Variants in EPHA5 observed in about 807,000 individuals in gnomAD.
EPHA5 encodes the protein EPH receptor A5.
Under a neutral mutation model 105.0 loss-of-function variants are expected in EPHA5, and 60 were observed. The ratio of observed to expected loss-of-function variants is 0.57; its 90% CI spans 0.46 to 0.71. EPHA5 has a LOEUF of 0.71. EPHA5 is among the 30% of genes least tolerant of loss of function. The probability of loss-of-function intolerance (pLI) is 0.00; values close to 1 mark genes in which losing one functional copy is unlikely to be tolerated. For missense variants in EPHA5, 1,218 were observed against 1,274.7 expected (o/e 0.96, Z 0.68); for synonymous variants, 513 against 449.1 (o/e 1.14, Z -1.80).
intron 5 of EPHA5, among the ~76,000 whole-genome samples, chr4:65,478,819 T>A (rs1277080289): frequency 3.9e-5 from 6 of 152,094 alleles, no homozygotes; most frequent in Non-Finnish European, 8.8e-5. Context: ...TTCTGGATAT[T>A]TTATCAAAAT....
At chr4:65,553,598 T>G (rs1245609470) in intron 3 of EPHA5, among the ~76,000 whole-genome samples, 1 of 151,990 alleles carries the variant, frequency 6.6e-6, no homozygotes, top group Non-Finnish European at 1.5e-5. Context: ...AAATATCTGG[T>G]AAAAGAATAA....
At chr4:65,357,492 G>T (rs1293363819) in intron 11 of EPHA5, among the ~76,000 whole-genome samples, 2 of 151,404 alleles carry the variant, frequency 1.3e-5, no homozygotes, top group Non-Finnish European at 3.0e-5. Flanking sequence ...ATTGATGGCA[G>T]ATCTAGTTCA....
intron 8 of EPHA5, among the ~76,000 whole-genome samples, chr4:65,369,253 T>A (rs1044093256): frequency 2.0e-5 from 3 of 152,192 alleles, no homozygotes; most frequent in Admixed American, 6.5e-5. Flanking sequence ...ATGTGCTGAA[T>A]GAACACTGAA....
chr4:65,419,018 G>C (rs1723680687), intron 6 of EPHA5, among the ~76,000 whole-genome samples: 1 of 150,894 alleles, frequency 6.6e-6, no homozygotes, highest in Non-Finnish European at 1.5e-5. Flanking sequence ...TGAGCAGCTG[G>C]GATTACAGGT....
At chr4:65,396,516 C>T (rs181116303) in intron 8 of EPHA5, among the ~76,000 whole-genome samples, 44 of 152,238 alleles carry the variant, frequency 2.9e-4, no homozygotes, top group African/African-American at 1.0e-3. Context: ...GGGGATGAGC[C>T]TTATCCCGTT....
At chr4:65,602,413 A>C (rs1007859073) in intron 2 of EPHA5, 109 bp from the exon 3 acceptor site, 45 of 801,994 alleles carry the variant, frequency 5.6e-5, no homozygotes, top group Non-Finnish European at 8.2e-5. Flanking sequence ...AAATATTCGT[A>C]TCCTCAATAT....
intron 1 of EPHA5, among the ~76,000 whole-genome samples, chr4:65,646,421 T>C (rs1748118580): frequency 2.6e-5 from 4 of 152,202 alleles, no homozygotes; most frequent in Admixed American, 2.6e-4. Flanking sequence ...AACATGGAGA[T>C]ATAATAATGT....
intron 7 of EPHA5, among the ~76,000 whole-genome samples, chr4:65,412,369 G>A (rs12509018): frequency 0.54 from 82,391 of 151,950 alleles, 24,733 homozygotes; most frequent in South Asian, 0.69. Context: ...TTTCTTCAGG[G>A]CCTAGCAAAG....
intron 1 of EPHA5, among the ~76,000 whole-genome samples, chr4:65,650,389 T>G (rs1467080513): frequency 4.0e-5 from 1 of 25,160 alleles, no homozygotes; most frequent in African/African-American, 1.7e-4. Flanking sequence ...GTACTAAACA[T>G]ACAAAAAAAA....
At chr4:65,539,567 C>T (rs1560668547) in intron 3 of EPHA5, among the ~76,000 whole-genome samples, 1 of 151,572 alleles carries the variant, frequency 6.6e-6, no homozygotes, top group Admixed American at 6.6e-5. Context: ...AGGGTATGTT[C>T]CACCAGCTGC....
intron 8 of EPHA5, among the ~76,000 whole-genome samples, chr4:65,387,224 T>C (rs28458299): frequency 0.057 from 8,732 of 151,932 alleles, 821 homozygotes; most frequent in African/African-American, 0.2. Flanking sequence ...GATCCCCTAA[T>C]AGACTTCCAA....
intron 8 of EPHA5, among the ~76,000 whole-genome samples, chr4:65,390,899 G>A (rs1720651438): frequency 6.6e-6 from 1 of 151,930 alleles, no homozygotes; most frequent in Non-Finnish European, 1.5e-5. Flanking sequence ...CAAAATAATT[G>A]GTGTATTAGT....
intron 16 of EPHA5, among the ~76,000 whole-genome samples, chr4:65,327,857 T>C (rs1250480216): frequency 6.6e-6 from 1 of 151,198 alleles, no homozygotes; most frequent in East Asian, 1.9e-4. Flanking sequence ...AGTCTCACAT[T>C]TCTTATTTCC....
At chr4:65,455,571 T>C (rs892427448) in intron 5 of EPHA5, among the ~76,000 whole-genome samples, 7 of 152,220 alleles carry the variant, frequency 4.6e-5, no homozygotes, top group African/African-American at 1.7e-4. Context: ...TATCAATGCA[T>C]TCATAAAATC....
intron 3 of EPHA5, among the ~76,000 whole-genome samples, chr4:65,517,768 T>G (rs929182331): frequency 1.3e-5 from 2 of 151,952 alleles, no homozygotes; most frequent in Admixed American, 6.6e-5. Flanking sequence ...TTTATTCAAG[T>G]TGAATCTATA....
At position 65,654,255 on chromosome 4, in the gene EPHA5, C is replaced by A. The variant is rs1046643127; in HGVS notation, c.182-10828G>T. On this transcript the variant is annotated intron_variant, in intron 1 of 16. Transcript: ENST00000613740. ...ACTTCTTTCTTGAAAAAAAAAAAAA[C>A]AAAACTATTTTTAAGCCGCTGTTGG... 1.4e-3 allele frequency among the ~76,000 whole-genome samples: 190 copies of A among 140,714 alleles called. 1 individual carries two copies. Among genetic ancestry groups the A allele is most frequent in the East Asian group, 5.0e-3 (24 of 4,798 alleles). The allele number at this position is 140,714 out of a possible 152,430, so 92.3% of individuals were successfully genotyped here.
At chr4:65,456,907 GA>G (rs1727654076) in intron 5 of EPHA5, among the ~76,000 whole-genome samples, 1 of 152,010 alleles carries the variant, frequency 6.6e-6, no homozygotes, top group Admixed American at 6.6e-5. Context: ...CTTAGTGCCT[GA>G]AAATTCATAC....
At chr4:65,441,098 G>A (rs983153473) in intron 5 of EPHA5, among the ~76,000 whole-genome samples, 3 of 151,872 alleles carry the variant, frequency 2.0e-5, no homozygotes, top group Non-Finnish European at 4.4e-5. Context: ...TTTAAAGATG[G>A]ATAATCCCTG....
chr4:65,669,206 C>A (rs1750231132), intron 1 of EPHA5, among the ~76,000 whole-genome samples: 1 of 151,980 alleles, frequency 6.6e-6, no homozygotes, highest in African/African-American at 2.4e-5. Context: ...ATGTCACTTC[C>A]CCACGCGCCT....
Sources: allele counts gnomAD v4.1 joint callset (sites outside exome capture counted in the v4.1 genomes callset), GRCh38; gene constraint gnomAD v4.1.1; transcripts MANE v1.5; gene names NCBI Gene and HGNC (gene_info 2026-07-23, HGNC 2026-07-21).